Variants in TTBK2 observed in about 807,000 individuals in gnomAD.
TTBK2 encodes the protein tau tubulin kinase 2.
Under a neutral mutation model 110.8 loss-of-function variants are expected in TTBK2, and 28 were observed. The ratio of observed to expected loss-of-function variants is 0.25; its 90% CI spans 0.19 to 0.35. The LOEUF (loss-of-function observed/expected upper bound fraction) is 0.35, where lower values mean the gene tolerates loss of function less well. Ranked by LOEUF, TTBK2 falls within the 10% of genes least tolerant of loss-of-function variation. The pLI is 1.00. For synonymous variants in TTBK2, 532 were observed against 527.3 expected (o/e 1.01, Z -0.12); for missense variants, 1,369 against 1,500.3 (o/e 0.91, Z 1.45).
At chr15:42,840,323 C>T (rs1368349623) in intron 4 of TTBK2, 37 bp downstream of exon 4, 6 of 1,553,640 alleles carry the variant, frequency 3.9e-6, no homozygotes, top group Non-Finnish European at 5.3e-6. Flanking sequence ...TTGATCAAAA[C>T]TGAAGAATTT....
intron 13 of TTBK2, among the ~76,000 whole-genome samples, chr15:42,772,502 T>G (rs1490337084): frequency 1.3e-5 from 2 of 152,200 alleles, no homozygotes; most frequent in Non-Finnish European, 2.9e-5. Flanking sequence ...ACTCTTGCAT[T>G]TCTAGCTCCA....
chr15:42,906,398 A>C (rs1159946089), intron 1 of TTBK2, among the ~76,000 whole-genome samples: 4 of 152,240 alleles, frequency 2.6e-5, no homozygotes, highest in Non-Finnish European at 5.9e-5. Context: ...TATTTTTGTC[A>C]GCAAAAGAAA....
intron 14 of TTBK2, 36 bp from the exon 15 acceptor site, chr15:42,746,293 T>G: frequency 6.6e-7 from 1 of 1,515,256 alleles, no homozygotes; most frequent in Non-Finnish European, 9.0e-7. Flanking sequence ...TTAATTTTAA[T>G]TCATTTCAAG....
chr15:42,833,208 T>G (rs1036512074), intron 4 of TTBK2, among the ~76,000 whole-genome samples: 1 of 144,354 alleles, frequency 6.9e-6, no homozygotes, highest in African/African-American at 2.6e-5. Flanking sequence ...AATAAAAATC[T>G]TTTAAATAAA....
At chr15:42,869,466 A>C (rs1380779355) in intron 3 of TTBK2, among the ~76,000 whole-genome samples, 9 of 151,916 alleles carry the variant, frequency 5.9e-5, no homozygotes, top group Non-Finnish European at 1.3e-4. Flanking sequence ...GAAAACTGAG[A>C]AAAAAACAAC....
chr15:42,760,566 TTCTGTA>T (rs2062012424), intron 13 of TTBK2, among the ~76,000 whole-genome samples: 1 of 152,120 alleles, frequency 6.6e-6, no homozygotes, highest in South Asian at 2.1e-4. Context: ...CTACTAGATT[TTCTGTA>T]TTTTATTTGT....
At position 42,810,697 on chromosome 15, in the gene TTBK2, T is replaced by C. The variant is rs779056938; in HGVS notation, c.739A>G (p.Met247Val). The C allele has an allele frequency of 1.9e-6, 3 of 1,613,802 alleles. No homozygotes were observed. Among genetic ancestry groups the C allele is most frequent in the Admixed American group, 1.7e-5 (1 of 59,982 alleles). ...AATTCTGGAGGGAGATGTTTCAACA[T>C]GAGCCTGTGGTCATATCTCTCCTTA... ...SIKERYDHRL[M>V]LKHLPPEFSI... The change falls in exon 9 of 15, where the codon ATG (methionine) becomes GTG (valine). Residue 247 changes from methionine (M) to valine (V), a missense_variant. This residue lies in a region of TTBK2 where 138 missense variants were observed against 179.0 expected (regional missense o/e 0.77). Coordinates refer to ENST00000267890, the MANE Select transcript of TTBK2 (RefSeq NM_173500.4).
intron 3 of TTBK2, among the ~76,000 whole-genome samples, chr15:42,848,222 C>A (rs992163136): frequency 4.0e-5 from 6 of 149,652 alleles, no homozygotes; most frequent in South Asian, 2.1e-4. Context: ...TTCCAACATT[C>A]TTCTTCTTTT....
intron 13 of TTBK2, among the ~76,000 whole-genome samples, chr15:42,774,675 T>C (rs972818914): frequency 2.0e-5 from 3 of 152,116 alleles, no homozygotes; most frequent in Admixed American, 6.5e-5. Flanking sequence ...TTAACAGGAA[T>C]ATGAAGTATG....
In TTBK2 at chr15:42,744,433, C is replaced by A. The variant is rs771317015; in HGVS notation, c.*1362G>T. On this transcript the variant is annotated 3_prime_UTR_variant, in exon 15 of 15. Transcript: ENST00000267890. ...ATGTTTGCTAGAAGGCAAATTTCAACAGCAAGCAGACCAATTTACCTGACC... is the reference window on the plus strand; with the variant it reads ...ATGTTTGCTAGAAGGCAAATTTCAAAAGCAAGCAGACCAATTTACCTGACC... 5.3e-5 allele frequency: 8 copies of A among 152,326 alleles called. No homozygotes were observed. The highest frequency in any genetic ancestry group is 1.2e-4 in the Non-Finnish European group (8 of 68,014). The allele number at this position is 152,326 out of a possible 1,614,324, so 9.4% of individuals were successfully genotyped here.
chr15:42,790,347 C>T (rs1162010385), intron 10 of TTBK2, among the ~76,000 whole-genome samples: 4 of 150,444 alleles, frequency 2.7e-5, no homozygotes, highest in South Asian at 4.2e-4. Context: ...TATAGTGGCG[C>T]GATCTCAGGT....
chr15:42,794,843 C>G, intron 9 of TTBK2, 42 bp from the exon 10 acceptor site: 1 of 1,606,856 alleles, frequency 6.2e-7, no homozygotes. Flanking sequence ...GAACAGTAAA[C>G]ATAGTCACTT....
chr15:42,908,055 C>T (rs1026761167), intron 1 of TTBK2, among the ~76,000 whole-genome samples: 2 of 152,104 alleles, frequency 1.3e-5, no homozygotes, highest in African/African-American at 4.8e-5. Context: ...CACTGCACTC[C>T]AGCCTAGATG....
intron 9 of TTBK2, among the ~76,000 whole-genome samples, chr15:42,799,993 G>T (rs1891115263): frequency 6.6e-6 from 1 of 152,022 alleles, no homozygotes; most frequent in South Asian, 2.1e-4. Context: ...AACTACTTGG[G>T]AGGCTGAGGT....
intron 3 of TTBK2, among the ~76,000 whole-genome samples, chr15:42,868,429 G>A (rs1462052540): frequency 6.6e-6 from 1 of 152,096 alleles, no homozygotes; most frequent in Non-Finnish European, 1.5e-5. Context: ...ATGATACTGA[G>A]GGAGTACATG....
intron 9 of TTBK2, among the ~76,000 whole-genome samples, chr15:42,799,774 G>C (rs1321254074): frequency 6.6e-6 from 1 of 152,060 alleles, no homozygotes; most frequent in Non-Finnish European, 1.5e-5. Flanking sequence ...TGGATTATTT[G>C]TGTCAACCCC....
rs528581154 is a variant in TTBK2, at chr15:42,765,723, A to G, written c.1998+9412T>C. Among the ~76,000 whole-genome samples, 7 of 152,336 alleles carry G rather than the reference A, an allele frequency of 4.6e-5. No individual in the cohort carries two copies. In the East Asian group the frequency reaches 1.3e-3, roughly 29 times the overall value. The stretch of plus-strand genomic sequence containing the variant: ...GATATTATCCAGGAGAACTTCCCCA[A>G]TCTAGCAAGGCAGGCCAACATTCAA... On this transcript the variant is annotated intron_variant, in intron 13 of 14. Coordinates refer to ENST00000267890, the MANE Select transcript of TTBK2 (RefSeq NM_173500.4).
rs145700997 is a variant in TTBK2, at chr15:42,823,390, A to G, written c.537+4538T>C. On this transcript the variant is annotated intron_variant, in intron 6 of 14. Coordinates refer to ENST00000267890, the MANE Select transcript of TTBK2 (RefSeq NM_173500.4). Reference sequence around the variant, plus strand: ...AGTTTAGGACTTCTTTGCCCCTCACAACCCTACTTAATGTAACTAATACAT... The same window carrying G: ...AGTTTAGGACTTCTTTGCCCCTCACGACCCTACTTAATGTAACTAATACAT... Among the ~76,000 whole-genome samples the G allele has an allele frequency of 1.8e-3, 269 of 152,356 alleles. 2 individuals are homozygous for G. The highest frequency in any genetic ancestry group is 4.5e-3 in the African/African-American group (188 of 41,568).
intron 3 of TTBK2, among the ~76,000 whole-genome samples, chr15:42,850,358 CT>C (rs1250561667): frequency 6.6e-6 from 1 of 152,106 alleles, no homozygotes; most frequent in African/African-American, 2.4e-5. Flanking sequence ...TAAGTTCAGG[CT>C]GGGGTATACT....
Sources: allele counts gnomAD v4.1 joint callset (sites outside exome capture counted in the v4.1 genomes callset), GRCh38; gene constraint gnomAD v4.1.1; regional missense constraint gnomAD v4.1.1; transcripts MANE v1.5; gene names NCBI Gene and HGNC (gene_info 2026-07-23, HGNC 2026-07-21).